Variants in C8orf34 observed in about 807,000 individuals in gnomAD.
C8orf34 encodes uncharacterized protein C8orf34.
Under a neutral mutation model 68.3 loss-of-function variants are expected in C8orf34, and 65 were observed. That is an observed-to-expected ratio of 0.95 (90% CI 0.78 to 1.17). The LOEUF (loss-of-function observed/expected upper bound fraction) is 1.17, where lower values mean the gene tolerates loss of function less well. Ranked by LOEUF, C8orf34 falls within the 50% of genes most tolerant of loss-of-function variation. C8orf34 has a pLI of 0.00. For missense variants in C8orf34, 664 were observed against 655.4 expected (o/e 1.01, Z -0.14); for synonymous variants, 244 against 241.2 (o/e 1.01, Z -0.11).
At chr8:68,700,950 C>T (rs929690521) in intron 8 of C8orf34, among the ~76,000 whole-genome samples, 7 of 151,954 alleles carry the variant, frequency 4.6e-5, no homozygotes, top group African/African-American at 9.7e-5. Flanking sequence ...AATTAAAAGC[C>T]GACTTTAGAC....
chr8:68,423,282 G>C (rs75905898), intron 1 of C8orf34, among the ~76,000 whole-genome samples: 1 of 151,980 alleles, frequency 6.6e-6, no homozygotes, highest in Non-Finnish European at 1.5e-5. Context: ...AATTTCTTCT[G>C]CCAGATACCC....
At chr8:68,426,874 A>AAAAACCAAACC (rs1554546993) in intron 1 of C8orf34, among the ~76,000 whole-genome samples, 1 of 150,958 alleles carries the variant, frequency 6.6e-6, no homozygotes, top group African/African-American at 2.5e-5. Context: ...CGTCTAAAAA[A>AAAAACCAAACC]AAACCAAACC....
chr8:68,705,699 T>C (rs1446463667), intron 8 of C8orf34, among the ~76,000 whole-genome samples: 1 of 152,014 alleles, frequency 6.6e-6, no homozygotes, highest in Non-Finnish European at 1.5e-5. Context: ...GCTAGTTATT[T>C]TATATAATTA....
intron 2 of C8orf34, among the ~76,000 whole-genome samples, chr8:68,442,384 T>G (rs961059492): frequency 6.6e-6 from 1 of 152,178 alleles, no homozygotes; most frequent in African/African-American, 2.4e-5. Flanking sequence ...TAATTTACTC[T>G]AGCAGTTCCC....
chr8:68,516,485 G>A (rs904861094), intron 5 of C8orf34, among the ~76,000 whole-genome samples: 3 of 152,082 alleles, frequency 2.0e-5, no homozygotes, highest in South Asian at 4.2e-4. Flanking sequence ...TGAACTCTTG[G>A]AATAACCACT....
intron 7 of C8orf34, among the ~76,000 whole-genome samples, chr8:68,553,561 A>G (rs945172324): frequency 1.6e-4 from 25 of 151,980 alleles, no homozygotes; most frequent in Non-Finnish European, 2.2e-4. Flanking sequence ...TTCAGATTTT[A>G]TATTTTTTAA....
At chr8:68,790,129 C>T (rs778878898) in intron 12 of C8orf34, among the ~76,000 whole-genome samples, 2 of 152,180 alleles carry the variant, frequency 1.3e-5, no homozygotes, top group Non-Finnish European at 2.9e-5. Context: ...CAACCAGGTG[C>T]TGGGACATGT....
At chr8:68,432,471 C>T (rs901767324) in intron 1 of C8orf34, among the ~76,000 whole-genome samples, 22 of 151,834 alleles carry the variant, frequency 1.4e-4, no homozygotes, top group Non-Finnish European at 2.5e-4. Context: ...CCACCATGGC[C>T]AGCTAATTTT....
intron 10 of C8orf34, among the ~76,000 whole-genome samples, chr8:68,760,429 T>C (rs1822989650): frequency 6.6e-6 from 1 of 152,114 alleles, no homozygotes. Flanking sequence ...AAAAAAAGGA[T>C]TCAGACCCAA....
chr8:68,802,095 T>G (rs1824345176), intron 12 of C8orf34, among the ~76,000 whole-genome samples: 1 of 152,138 alleles, frequency 6.6e-6, no homozygotes. Flanking sequence ...TGTAAGATAA[T>G]TTCTTTATTT....
At chr8:68,384,978 G>A (rs145484047) in intron 1 of C8orf34, among the ~76,000 whole-genome samples, 218 of 152,282 alleles carry the variant, frequency 1.4e-3, no homozygotes, top group African/African-American at 5.0e-3. Flanking sequence ...TTAAGAAGAA[G>A]CTGAAAACGA....
chr8:68,668,874 G>A (rs1819922401), intron 8 of C8orf34, among the ~76,000 whole-genome samples: 1 of 152,090 alleles, frequency 6.6e-6, no homozygotes, highest in South Asian at 2.1e-4. Context: ...AGCAAGGAGA[G>A]GAGTCCTTAG....
chr8:68,484,155 A>C (rs1047470097), intron 4 of C8orf34, among the ~76,000 whole-genome samples: 7 of 152,236 alleles, frequency 4.6e-5, no homozygotes, highest in African/African-American at 1.7e-4. Flanking sequence ...CGAAAGCAAA[A>C]GCAAGAGCAA....
chr8:68,783,510 C>T (rs1157776511), intron 11 of C8orf34, among the ~76,000 whole-genome samples: 5 of 117,754 alleles, frequency 4.2e-5, no homozygotes, highest in East Asian at 2.6e-4. Context: ...GGCAACAGGG[C>T]GAGACTTCAT....
intron 7 of C8orf34, among the ~76,000 whole-genome samples, chr8:68,550,775 T>C (rs1002014905): frequency 6.6e-6 from 1 of 150,722 alleles, no homozygotes; most frequent in African/African-American, 2.4e-5. Flanking sequence ...GTTTTTGTGT[T>C]TTTTTTTTCC....
intron 9 of C8orf34, among the ~76,000 whole-genome samples, chr8:68,719,277 A>G (rs1821563447): frequency 6.6e-6 from 1 of 152,032 alleles, no homozygotes; most frequent in Non-Finnish European, 1.5e-5. Flanking sequence ...GTAAACTCTC[A>G]AATGTTCTGG....
At position 68,686,092 on chromosome 8, in the gene C8orf34, TAGAC is replaced by T. The variant is rs570445104; in HGVS notation, c.1242-22896_1242-22893del. Among the ~76,000 whole-genome samples the T allele has an allele frequency of 4.6e-5, 7 of 151,442 alleles. No homozygotes were observed. The South Asian group carries it at 1.5e-3, about 32-fold the overall frequency. On this transcript the variant is annotated intron_variant, in intron 8 of 13. Transcript: ENST00000518698. Reference sequence around the variant, plus strand: ...CCTCCTAGATTAAATCAGGAAGAAATAGACAGACAAATAACAAGCAGTAAGATTG... The same window carrying T: ...CCTCCTAGATTAAATCAGGAAGAAATAGACAAATAACAAGCAGTAAGATTG...
chr8:68,349,037 C>G (rs932740152), intron 1 of C8orf34, among the ~76,000 whole-genome samples: 1 of 151,940 alleles, frequency 6.6e-6, no homozygotes, highest in Non-Finnish European at 1.5e-5. Flanking sequence ...ATATCCTTGT[C>G]GTTTGACAGT....
chr8:68,749,567 CAA>C (rs60933125), intron 10 of C8orf34, among the ~76,000 whole-genome samples: 42,835 of 151,880 alleles, frequency 0.28, 6,104 homozygotes, highest in Admixed American at 0.36. Flanking sequence ...ATCACCCCAG[CAA>C]GATTCCTCAT....
Sources: allele counts gnomAD v4.1 joint callset (sites outside exome capture counted in the v4.1 genomes callset), GRCh38; gene constraint gnomAD v4.1.1; transcripts MANE v1.5; gene names NCBI Gene and HGNC (gene_info 2026-07-23, HGNC 2026-07-21).